IL36B: variants seen among roughly 807,000 people sequenced by gnomAD.
IL36B encodes the protein interleukin 36 beta, also known as interleukin-36 beta.
In IL36B, 23 loss-of-function variants were observed where a neutral mutation model predicts 19.3. That is an observed-to-expected ratio of 1.19 (90% CI 0.86 to 1.69). The LOEUF (loss-of-function observed/expected upper bound fraction) is 1.69. Ranked by LOEUF, IL36B falls within the 40% of genes most tolerant of loss-of-function variation. The pLI is 0.00. For synonymous variants in IL36B, 59 were observed against 59.7 expected, an observed-to-expected ratio of 0.99 and a Z score of 0.05; for missense variants, 217 against 200.5, an observed-to-expected ratio of 1.08 and a Z score of -0.50.
intron 2 of IL36B, 31 bp downstream of exon 2, chr2:113,031,666 T>C (rs763933354): frequency 1.3e-6 from 2 of 1,591,154 alleles, no homozygotes; most frequent in Non-Finnish European, 1.7e-6. Context: ...GATGGAGATA[T>C]TTCCAAGCTG....
At chr2:113,035,424 T>C (rs1321524809) in intron 1 of IL36B, among the ~76,000 whole-genome samples, 1 of 152,138 alleles carries the variant, frequency 6.6e-6, no homozygotes, top group Non-Finnish European at 1.5e-5. Flanking sequence ...CTGTGCTTTT[T>C]CTTGGCCCCT....
chr2:113,043,987 C>A (rs1685303471), intron 1 of IL36B, among the ~76,000 whole-genome samples: 1 of 152,150 alleles, frequency 6.6e-6, no homozygotes, highest in Non-Finnish European at 1.5e-5. Flanking sequence ...ATCAGCATGT[C>A]AATTTCTTTA....
rs1684952244 is a variant in IL36B at position 113,026,037 on chromosome 2, C to T, written c.391+66G>A. 1.3e-5 allele frequency: 21 copies of T among 1,573,258 alleles called. No individual in the cohort carries two copies. In the South Asian group the frequency reaches 2.2e-4, roughly 17 times the overall value. On this transcript the variant is annotated intron_variant, in intron 5 of 5. Coordinates refer to ENST00000259213, the MANE Select transcript of IL36B (RefSeq NM_014438.5). ...AATACTGCTGGGATCCTCTGAGGAA[C>T]CATGAAGAATGAACGCATCTCAGAA...
intron 1 of IL36B, among the ~76,000 whole-genome samples, chr2:113,051,662 C>T (rs986959013): frequency 2.0e-5 from 3 of 152,190 alleles, no homozygotes; most frequent in Admixed American, 6.5e-5. Context: ...TTCTCGAAAG[C>T]GCTATGAGCC....
chr2:113,035,642 A>T (rs905127101), intron 1 of IL36B, among the ~76,000 whole-genome samples: 1 of 152,222 alleles, frequency 6.6e-6, no homozygotes, highest in Non-Finnish European at 1.5e-5. Context: ...AAAAGGAAAA[A>T]ACAAAAATAT....
chr2:113,031,674 C>G, intron 2 of IL36B, 23 bp downstream of exon 2: 1 of 1,601,520 alleles, frequency 6.2e-7, no homozygotes, highest in South Asian at 1.1e-5. Flanking sequence ...TATTTCCAAG[C>G]TGATTTGCAA....
At chr2:113,031,864 G>A (rs917345691) in intron 1 of IL36B, 98 bp from the exon 2 acceptor site, 2 of 636,724 alleles carry the variant, frequency 3.1e-6, no homozygotes, top group Non-Finnish European at 5.6e-6. Flanking sequence ...TCTTTAGAGA[G>A]AGCTGCCCTG....
chr2:113,030,374 G>A (rs537282958), intron 3 of IL36B, among the ~76,000 whole-genome samples: 6 of 152,132 alleles, frequency 3.9e-5, no homozygotes, highest in African/African-American at 1.4e-4. Flanking sequence ...TAGAAGGTTG[G>A]GGGGGAGTAG....
At chr2:113,049,808 A>G (rs1354772999) in intron 1 of IL36B, among the ~76,000 whole-genome samples, 2 of 152,144 alleles carry the variant, frequency 1.3e-5, no homozygotes, top group African/African-American at 4.8e-5. Context: ...TACAAAAGTT[A>G]GCCAGGCATG....
At chr2:113,035,919 C>T (rs1210048114) in intron 1 of IL36B, among the ~76,000 whole-genome samples, 1 of 152,050 alleles carries the variant, frequency 6.6e-6, no homozygotes, top group Non-Finnish European at 1.5e-5. Context: ...ATGGTCAGGG[C>T]TCTGTTGTTG....
chr2:113,032,522 A>G (rs1485998321), intron 1 of IL36B, among the ~76,000 whole-genome samples: 2 of 152,264 alleles, frequency 1.3e-5, no homozygotes, highest in Admixed American at 1.3e-4. Context: ...CAGATCACCA[A>G]CCTGCACCCT....
Position 113,031,749 on chromosome 2 carries a change from CA to C in IL36B, c.-41del. 1 of 1,558,282 alleles carries C rather than the reference CA, an allele frequency of 6.4e-7. No individual in the cohort carries two copies. Among genetic ancestry groups the C allele is most frequent in the East Asian group, 2.2e-5 (1 of 44,494 alleles). On this transcript the variant is annotated 5_prime_UTR_variant, in exon 2 of 6. Transcript: ENST00000259213. ...CTTTTGTGAAGAGAACAAGATAGAT[CA>C]GATGGTGGTGAGGAGGCTGTTAACA...
chr2:113,027,065 T>G (rs976145039), intron 4 of IL36B, among the ~76,000 whole-genome samples: 1 of 152,208 alleles, frequency 6.6e-6, no homozygotes, highest in Non-Finnish European at 1.5e-5. Context: ...GTTATATGTA[T>G]TATATAATGT....
chr2:113,038,338 A>G (rs926759752), intron 1 of IL36B, among the ~76,000 whole-genome samples: 1 of 152,206 alleles, frequency 6.6e-6, no homozygotes, highest in Non-Finnish European at 1.5e-5. Flanking sequence ...AGTGTCTAGT[A>G]TGGTCATTCT....
chr2:113,023,909 T>C (rs1684907152), intron 5 of IL36B, among the ~76,000 whole-genome samples: 1 of 152,198 alleles, frequency 6.6e-6, no homozygotes, highest in African/African-American at 2.4e-5. Flanking sequence ...AATAAACTTA[T>C]TGACCTAAGT....
In IL36B at chr2:113,046,919, A is replaced by G. The variant is rs770429783; in HGVS notation, c.-58+5898T>C. On this transcript the variant is annotated intron_variant, in intron 1 of 5. Transcript: ENST00000259213. ...AAGTTACTATGTGTAGCCCACACTT[A>G]GAGCCTGAAGGTTATGTTGTAATTT... Among the ~76,000 whole-genome samples the G allele has an allele frequency of 3.4e-4, 52 of 152,342 alleles. 1 individual carries two copies. In the Middle Eastern group the frequency reaches 0.027, roughly 80 times the overall value.
chr2:113,036,099 C>T lies in IL36B; in HGVS notation c.-57-4333G>A, dbSNP rs533263528. ...AGCTGGAGTTACAGGCATGCACCAC[C>T]ACACCTGGCTAATTTTTGTATTTTT... On this transcript the variant is annotated intron_variant, in intron 1 of 5. Coordinates refer to ENST00000259213, the MANE Select transcript of IL36B (RefSeq NM_014438.5). 3.3e-5 allele frequency among the ~76,000 whole-genome samples: 5 copies of T among 152,206 alleles called. No homozygotes were observed. The East Asian group carries it at 9.6e-4, about 29-fold the overall frequency.
At chr2:113,024,051 G>T (rs960469713) in intron 5 of IL36B, among the ~76,000 whole-genome samples, 1 of 152,186 alleles carries the variant, frequency 6.6e-6, no homozygotes, top group Non-Finnish European at 1.5e-5. Flanking sequence ...AGAAAGATGG[G>T]TGGAAGCATG....
At chr2:113,034,333 A>G (rs1382670006) in intron 1 of IL36B, among the ~76,000 whole-genome samples, 1 of 152,106 alleles carries the variant, frequency 6.6e-6, no homozygotes, top group Non-Finnish European at 1.5e-5. Context: ...CGCTTCTTCC[A>G]TGCATATGCA....
Sources: gnomAD v4.1 joint callset for allele counts (sites outside exome capture counted in the v4.1 genomes callset) on GRCh38, gnomAD v4.1.1 for gene constraint, MANE v1.5 for transcripts, NCBI Gene and HGNC (gene_info 2026-07-23, HGNC 2026-07-21) for gene names.